ATP6V1E1: variants seen among roughly 807,000 people sequenced by gnomAD.
ATP6V1E1 encodes the protein ATPase H+ transporting V1 subunit E1, also known as V-type proton ATPase subunit E 1.
A neutral mutation model predicts 35.2 loss-of-function variants in ATP6V1E1; 21 were observed. The observed-to-expected ratio is 0.60, with a 90% CI of 0.42 to 0.86. The LOEUF is 0.86. Ranked by LOEUF, ATP6V1E1 falls within the 40% of genes least tolerant of loss-of-function variation. The pLI is 0.00. For synonymous variants in ATP6V1E1, 83 were observed against 87.8 expected (o/e 0.95, Z 0.30); for missense variants, 183 against 272.6 (o/e 0.67, Z 2.32).
chr22:17,611,929 T>C (rs1270046824), intron 4 of ATP6V1E1, among the ~76,000 whole-genome samples: 1 of 152,242 alleles, frequency 6.6e-6, no homozygotes, highest in East Asian at 1.9e-4. Flanking sequence ...GCTGTTTTCA[T>C]ATAGGACTTA....
intron 1 of ATP6V1E1, among the ~76,000 whole-genome samples, chr22:17,622,588 G>A (rs745562377): frequency 2.6e-5 from 4 of 152,024 alleles, no homozygotes; most frequent in Non-Finnish European, 4.4e-5. Flanking sequence ...CATGGCACGC[G>A]TATCACTATG....
chr22:17,626,762 G>C (rs1036365650), intron 1 of ATP6V1E1, among the ~76,000 whole-genome samples: 1 of 151,996 alleles, frequency 6.6e-6, no homozygotes, highest in African/African-American at 2.4e-5. Flanking sequence ...ACTCCTGACC[G>C]CAGGTGATAT....
intron 4 of ATP6V1E1, among the ~76,000 whole-genome samples, chr22:17,609,407 G>A (rs1034827036): frequency 2.0e-5 from 3 of 147,206 alleles, no homozygotes; most frequent in Admixed American, 1.4e-4. Context: ...TGATCCATCC[G>A]CCTCATCCTC....
chr22:17,619,627 C>G (rs737995), intron 1 of ATP6V1E1, 101 bp from the exon 2 acceptor site: 4 of 990,128 alleles, frequency 4.0e-6, no homozygotes, highest in Non-Finnish European at 5.9e-6. Flanking sequence ...GGCTCACGCC[C>G]GTAATCCTAC....
intron 1 of ATP6V1E1, among the ~76,000 whole-genome samples, chr22:17,624,820 C>CAA (rs899319377): frequency 7.1e-6 from 1 of 141,480 alleles, no homozygotes; most frequent in African/African-American, 2.6e-5. Context: ...GACTCCATCT[C>CAA]AAAAAAAAAA....
rs565086052 is a variant in ATP6V1E1 at position 17,597,776 on chromosome 22, G to A, written c.530+418C>T. Among the ~76,000 whole-genome samples the A allele has an allele frequency of 6.6e-5, 10 of 151,826 alleles. 1 individual carries two copies. The highest frequency in any genetic ancestry group is 4.1e-4 in the South Asian group (2 of 4,830). On this transcript the variant is annotated intron_variant, in intron 7 of 8. Coordinates refer to ENST00000253413, the MANE Select transcript of ATP6V1E1 (RefSeq NM_001696.4). ...CTCCTGGGTAGCTGGGACTACAGGC[G>A]TGCGCCACCACGCTCAGCTAATTTT... is the stretch of plus-strand genomic sequence containing the variant.
At chr22:17,600,369 G>A (rs559100145) in intron 5 of ATP6V1E1, among the ~76,000 whole-genome samples, 4 of 152,182 alleles carry the variant, frequency 2.6e-5, no homozygotes, top group South Asian at 4.2e-4. Flanking sequence ...CCCAGGAGAC[G>A]GAGGTTGAAG....
At chr22:17,599,154 CA>C (rs1271179401) in intron 6 of ATP6V1E1, among the ~76,000 whole-genome samples, 1 of 151,572 alleles carries the variant, frequency 6.6e-6, no homozygotes, top group Non-Finnish European at 1.5e-5. Flanking sequence ...TTAATGAGCA[CA>C]AAGTTTCAGT....
In ATP6V1E1 at chr22:17,614,949, C is replaced by G. The variant is rs528159505; in HGVS notation, c.100-1629G>C. 7.4e-5 allele frequency among the ~76,000 whole-genome samples: 10 copies of G among 135,286 alleles called. No individual in the cohort carries two copies. In the East Asian group the frequency reaches 2.0e-3, roughly 28 times the overall value. The allele number at this position is 135,286 out of a possible 152,430, so 88.8% of individuals were successfully genotyped here. A position where few individuals can be genotyped will look rare whatever the true frequency, so the allele number is the denominator to read the frequency against. Reference sequence around the variant, plus strand: ...GCGCCTGGGCAGCAGAGCGAGACACCGTTTCAAAAAAAAAAAAAATTTTTT... The same window carrying G: ...GCGCCTGGGCAGCAGAGCGAGACACGGTTTCAAAAAAAAAAAAAATTTTTT... On this transcript the variant is annotated intron_variant, in intron 2 of 8. Transcript: ENST00000253413.
intron 1 of ATP6V1E1, among the ~76,000 whole-genome samples, chr22:17,620,557 T>G (rs1211711940): frequency 6.6e-6 from 1 of 151,936 alleles, no homozygotes; most frequent in Non-Finnish European, 1.5e-5. Context: ...GGCCATACTC[T>G]TCCACTCTGC....
intron 4 of ATP6V1E1, among the ~76,000 whole-genome samples, chr22:17,609,094 AAAAAC>A (rs925075305): frequency 6.1e-5 from 9 of 148,504 alleles, no homozygotes; most frequent in East Asian, 5.9e-4. Flanking sequence ...CTCCGTCTCA[AAAAAC>A]AAAACAAAAC....
chr22:17,622,693 T>C (rs1034893027), intron 1 of ATP6V1E1, among the ~76,000 whole-genome samples: 1 of 152,084 alleles, frequency 6.6e-6, no homozygotes, highest in Non-Finnish European at 1.5e-5. Context: ...TGCCTGGGTA[T>C]GGTGGCTCAT....
chr22:17,594,772 G>T, intron 7 of ATP6V1E1, 156 bp from the exon 8 acceptor site: 1 of 529,666 alleles, frequency 1.9e-6, no homozygotes, highest in Non-Finnish European at 3.1e-6. Flanking sequence ...TTCTGAAGAT[G>T]TAACGCACAG....
At chr22:17,628,021 G>A (rs1446224647) in intron 1 of ATP6V1E1, among the ~76,000 whole-genome samples, 1 of 144,850 alleles carries the variant, frequency 6.9e-6, no homozygotes, top group Non-Finnish European at 1.5e-5. Context: ...GTCTCGCCCT[G>A]TCGCCCATGC....
chr22:17,595,588 G>T (rs1446953619), intron 7 of ATP6V1E1, among the ~76,000 whole-genome samples: 1 of 152,158 alleles, frequency 6.6e-6, no homozygotes, highest in African/African-American at 2.4e-5. Flanking sequence ...CCAGCACTTT[G>T]GGAGGCCGAG....
chr22:17,627,701 A>G (rs538341122), intron 1 of ATP6V1E1, among the ~76,000 whole-genome samples: 1 of 150,552 alleles, frequency 6.6e-6, no homozygotes, highest in African/African-American at 2.4e-5. Context: ...CGAGTCTGTA[A>G]TCCCAGCTTC....
chr22:17,620,528 T>C (rs2057871006), intron 1 of ATP6V1E1, among the ~76,000 whole-genome samples: 1 of 151,236 alleles, frequency 6.6e-6, no homozygotes, highest in Non-Finnish European at 1.5e-5. Context: ...TTTGGGGCCA[T>C]ACTCTTCCAC....
intron 4 of ATP6V1E1, among the ~76,000 whole-genome samples, chr22:17,611,796 A>C (rs2057816869): frequency 6.6e-6 from 1 of 152,216 alleles, no homozygotes. Context: ...ACTGCTACTC[A>C]GTTCTCACTG....
At chr22:17,626,958 G>A (rs2057910101) in intron 1 of ATP6V1E1, among the ~76,000 whole-genome samples, 2 of 151,204 alleles carry the variant, frequency 1.3e-5, no homozygotes, top group Non-Finnish European at 3.0e-5. Context: ...CTACAGGTGT[G>A]AGCCACCACA....
Sources: allele counts gnomAD v4.1 joint callset (sites outside exome capture counted in the v4.1 genomes callset), GRCh38; gene constraint gnomAD v4.1.1; transcripts MANE v1.5; gene names NCBI Gene and HGNC (gene_info 2026-07-23, HGNC 2026-07-21).